Variants in WHRN observed in about 807,000 individuals in gnomAD.
WHRN encodes CASK-interacting protein CIP98.
In WHRN, 41 loss-of-function variants were observed where a neutral mutation model predicts 68.3. That is an observed-to-expected ratio of 0.60 (90% confidence interval 0.47 to 0.78). The LOEUF (loss-of-function observed/expected upper bound fraction) is 0.78, where lower values mean the gene tolerates loss of function less well. Ranked by LOEUF, WHRN falls within the 30% of genes least tolerant of loss-of-function variation. The pLI, the probability that WHRN is intolerant of heterozygous loss-of-function variation, is 0.00. For missense variants in WHRN, 1,243 were observed against 1,244.7 expected (o/e 1.00, Z 0.02); for synonymous variants, 560 against 561.3 (o/e 1.00, Z 0.03).
At chr9:114,472,900 C>G (rs1555699) in intron 2 of WHRN, among the ~76,000 whole-genome samples, 148,758 of 152,328 alleles carry the variant, frequency 0.98, 72,720 homozygotes, top group East Asian at 1. Context: ...ATCATGGATG[C>G]GGAAGCTTAA....
intron 3 of WHRN, among the ~76,000 whole-genome samples, chr9:114,435,222 C>T (rs151325156): frequency 1.6e-4 from 24 of 152,238 alleles, no homozygotes; most frequent in Middle Eastern, 3.4e-3. Flanking sequence ...GCGCTGCACC[C>T]CCTTGAATGG....
intron 2 of WHRN, 57 bp downstream of exon 2, chr9:114,478,496 G>T (rs898570980): frequency 3.8e-6 from 6 of 1,593,174 alleles, no homozygotes; most frequent in Non-Finnish European, 5.2e-6. Flanking sequence ...GCTGTTCTGG[G>T]TTCGGAGGGA....
At chr9:114,453,571 T>C (rs575119518) in intron 3 of WHRN, among the ~76,000 whole-genome samples, 25 of 152,318 alleles carry the variant, frequency 1.6e-4, no homozygotes, top group Middle Eastern at 6.8e-3. Context: ...ATATAATTCC[T>C]GACAGTTAAA....
At chr9:114,494,978 A>G (rs1209931041) in intron 1 of WHRN, among the ~76,000 whole-genome samples, 1 of 152,042 alleles carries the variant, frequency 6.6e-6, no homozygotes, top group Non-Finnish European at 1.5e-5. Flanking sequence ...CAGGGTGGGG[A>G]CAGCGGCAGA....
At chr9:114,461,312 G>A (rs1840226723) in intron 3 of WHRN, among the ~76,000 whole-genome samples, 1 of 152,222 alleles carries the variant, frequency 6.6e-6, no homozygotes, top group Non-Finnish European at 1.5e-5. Flanking sequence ...GATAACCAGT[G>A]TTGACACTGT....
chr9:114,425,460 C>T (rs577237660), intron 4 of WHRN: 24 of 428,726 alleles, frequency 5.6e-5, no homozygotes, highest in African/African-American at 3.9e-4. Context: ...GCCAGACTTC[C>T]TGATTTTTAA....
At chr9:114,441,379 T>C (rs1239252127) in intron 3 of WHRN, among the ~76,000 whole-genome samples, 1 of 152,224 alleles carries the variant, frequency 6.6e-6, no homozygotes, top group East Asian at 1.9e-4. Context: ...GTATATTTCC[T>C]AGCTTTGTCC....
chr9:114,456,983 G>T (rs1273182347), intron 3 of WHRN, among the ~76,000 whole-genome samples: 1 of 152,044 alleles, frequency 6.6e-6, no homozygotes, highest in Non-Finnish European at 1.5e-5. Flanking sequence ...TTTGATTCTG[G>T]GATTAGAATC....
chr9:114,435,017 G>A (rs768462304), intron 3 of WHRN, among the ~76,000 whole-genome samples: 2 of 152,058 alleles, frequency 1.3e-5, no homozygotes, highest in Admixed American at 6.6e-5. Flanking sequence ...TGCCCAAAAC[G>A]TATTTCCCTT....
At chr9:114,419,102 G>C (rs1246178360) in intron 7 of WHRN, among the ~76,000 whole-genome samples, 1 of 152,208 alleles carries the variant, frequency 6.6e-6, no homozygotes, top group Admixed American at 6.5e-5. Flanking sequence ...CTTCAGGGAA[G>C]AATCACAGCC....
intron 3 of WHRN, among the ~76,000 whole-genome samples, chr9:114,446,035 A>T (rs1838793256): frequency 6.6e-6 from 1 of 152,212 alleles, no homozygotes; most frequent in African/African-American, 2.4e-5. Context: ...AAAGCAAGCT[A>T]TATGATAGAA....
At chr9:114,453,039 G>T (rs148520365) in intron 3 of WHRN, among the ~76,000 whole-genome samples, 1 of 152,180 alleles carries the variant, frequency 6.6e-6, no homozygotes, top group Non-Finnish European at 1.5e-5. Flanking sequence ...AAGGGGTGTG[G>T]TTACTGTGTT....
chr9:114,426,379 C>T lies in WHRN; in HGVS notation c.998G>A (p.Ser333Asn), dbSNP rs200073414. 2.3e-4 allele frequency: 379 copies of T among 1,613,340 alleles called. 1 individual carries two copies. Among genetic ancestry groups the T allele is most frequent in the Non-Finnish European group, 3.1e-4 (368 of 1,179,874 alleles). The change falls in exon 4 of 12, where the codon AGC (serine) becomes AAC (asparagine). Residue 333 changes from serine (S) to asparagine (N), a missense_variant. Physicochemically the swap from Ser to Asn is conservative, Grantham distance 46 (BLOSUM62 1). Coordinates refer to ENST00000362057, the MANE Select transcript of WHRN (RefSeq NM_015404.4). Reference sequence around the variant, plus strand: ...CTCGTCGTGTAGGATGTTGAGAAAGCTCCGCCCATTCACTTCTAGAATCTG... The same window carrying T: ...CTCGTCGTGTAGGATGTTGAGAAAGTTCCGCCCATTCACTTCTAGAATCTG... Reference protein sequence around the residue: ...GDQILEVNGRSFLNILHDEAV... With the variant: ...GDQILEVNGRNFLNILHDEAV...
In WHRN at chr9:114,504,676, C is replaced by A. The variant is rs1206383003; in HGVS notation, c.126G>T (p.Leu42=). 6.2e-7 allele frequency: 1 copy of A among 1,600,424 alleles called. No individual in the cohort carries two copies. The highest frequency in any genetic ancestry group is 1.1e-5 in the South Asian group (1 of 90,128). ...TCAGCAGCGCGGTCAGCGCTTGGTG[C>A]AGCTGGCGCACGTTGGCAGACAGTA... ...LRLLSANVRQ[L]HQALTALLSE... Residue 42 remains leucine, a synonymous_variant, in exon 1 of 12, where the codon CTG becomes CTT. Transcript: ENST00000362057.
chr9:114,425,786 T>G, intron 4 of WHRN: 1 of 295,582 alleles, frequency 3.4e-6, no homozygotes, highest in South Asian at 3.6e-5. Context: ...TTTATGACTT[T>G]AAGACCCTCT....
intron 1 of WHRN, chr9:114,503,357 A>T (rs1219021818): frequency 4.6e-6 from 1 of 216,098 alleles, no homozygotes; most frequent in Non-Finnish European, 7.9e-6. Flanking sequence ...AAGGGGGAAA[A>T]ATGCCTGCAA....
Position 114,424,369 on chromosome 9 carries a change from T to A in WHRN, c.1381A>T (p.Met461Leu). 4 of 1,612,320 alleles carry A rather than the reference T, an allele frequency of 2.5e-6. No individual in the cohort carries two copies. Among genetic ancestry groups the A allele is most frequent in the Non-Finnish European group, 3.4e-6 (4 of 1,179,990 alleles). ...GTGTTGAGCAGCTTGAACAGGGCCA[T>A]GACGAGGGCCTCCACAGAGACGCTG... is the stretch of plus-strand genomic sequence containing the variant. ...GGSVSVEALV[M>L]ALFKLLNTHA... Residue 461 changes from methionine to leucine, a missense_variant, in exon 6 of 12, where the codon ATG becomes TTG. Met to Leu is a conservative substitution (Grantham distance 15). Coordinates refer to ENST00000362057, the MANE Select transcript of WHRN (RefSeq NM_015404.4).
chr9:114,485,732 C>T (rs1334295358), intron 1 of WHRN, among the ~76,000 whole-genome samples: 1 of 152,126 alleles, frequency 6.6e-6, no homozygotes, highest in Admixed American at 6.5e-5. Flanking sequence ...TGCCTGGGCA[C>T]AGCAGCTCAG....
Position 114,426,277 on chromosome 9 carries a change from G to T in WHRN, c.1100C>A (p.Thr367Asn), listed in dbSNP as rs773634734. Residue 367 changes from threonine to asparagine, a missense_variant, in exon 4 of 12, where the codon ACC (threonine) becomes AAC (asparagine). Coordinates refer to ENST00000362057, the MANE Select transcript of WHRN (RefSeq NM_015404.4). ...GATCCACTTGGTCTCGTCCACAGTG[G>T]TGCGGGCATGGGGCAGCCTCCCGAC... is the stretch of plus-strand genomic sequence containing the variant. ...KDVGRLPHAR[T>N]TVDETKWIAS... 6.2e-7 allele frequency: 1 copy of T among 1,613,282 alleles called. No individual in the cohort carries two copies. The highest frequency in any genetic ancestry group is 2.2e-5 in the East Asian group (1 of 44,882).
Sources: gnomAD v4.1 joint callset for allele counts (sites outside exome capture counted in the v4.1 genomes callset) on GRCh38, gnomAD v4.1.1 for gene constraint, MANE v1.5 for transcripts, NCBI Gene and HGNC (gene_info 2026-07-23, HGNC 2026-07-21) for gene names.